AP3B1: variants seen among roughly 807,000 people sequenced by gnomAD.
AP3B1 encodes the protein adaptor related protein complex 3 subunit beta 1.
AP3B1 carries 61 observed loss-of-function variants against 132.5 expected under a neutral mutation model. The ratio of observed to expected loss-of-function variants is 0.46; its 90% confidence interval spans 0.37 to 0.57. AP3B1 has a LOEUF of 0.57. Among genes scored for constraint, AP3B1 ranks in the 20% least tolerant of loss-of-function variants. The pLI is 0.00. For synonymous variants in AP3B1, 388 were observed against 438.3 expected (o/e 0.89, Z 1.43); for missense variants, 1,120 against 1,289.4 (o/e 0.87, Z 2.01).
At chr5:78,212,847 A>G (rs1167578152) in intron 7 of AP3B1, among the ~76,000 whole-genome samples, 1 of 151,638 alleles carries the variant, frequency 6.6e-6, no homozygotes, top group Non-Finnish European at 1.5e-5. Context: ...CTATGGTCAA[A>G]CTCTGCTTTG....
At chr5:78,133,930 G>T (rs1752788979) in intron 15 of AP3B1, among the ~76,000 whole-genome samples, 1 of 151,862 alleles carries the variant, frequency 6.6e-6, no homozygotes, top group South Asian at 2.1e-4. Flanking sequence ...TGAATTTGAA[G>T]AACTGTTACA....
At chr5:78,153,497 T>C (rs1742983097) in intron 14 of AP3B1, among the ~76,000 whole-genome samples, 1 of 152,120 alleles carries the variant, frequency 6.6e-6, no homozygotes, top group Non-Finnish European at 1.5e-5. Flanking sequence ...CTTGATTTTT[T>C]ATACATGCAG....
chr5:78,072,251 A>C (rs2112164692), intron 22 of AP3B1, among the ~76,000 whole-genome samples: 1 of 152,318 alleles, frequency 6.6e-6, no homozygotes, highest in African/African-American at 2.4e-5. Context: ...TTCATCAGTA[A>C]ATACTTTGGT....
intron 15 of AP3B1, among the ~76,000 whole-genome samples, chr5:78,139,739 A>C (rs1580397764): frequency 6.6e-6 from 1 of 152,296 alleles, no homozygotes; most frequent in East Asian, 1.9e-4. Context: ...GGGAAGCAGG[A>C]AAGGCAGACA....
At position 78,127,895 on chromosome 5, in the gene AP3B1, T is replaced by C. The variant is rs189795874; in HGVS notation, c.1968+135A>G. 173 of 971,764 alleles carry C rather than the reference T, an allele frequency of 1.8e-4. No homozygotes were observed. The African/African-American group carries it at 2.5e-3, about 14-fold the overall frequency. 60.2% of individuals were successfully genotyped at this position (971,764 alleles called of 1,614,324 possible). A position where few individuals can be genotyped will look rare whatever the true frequency, so the allele number is the denominator to read the frequency against. Reference sequence around the variant, plus strand: ...TTAGTTGCTATAAAGGCAAGGTATATCTAACACATTACATTTAGAAATACT... The same window carrying C: ...TTAGTTGCTATAAAGGCAAGGTATACCTAACACATTACATTTAGAAATACT... On this transcript the variant is annotated intron_variant, in intron 17 of 26. Coordinates refer to ENST00000255194, the MANE Select transcript of AP3B1 (RefSeq NM_003664.5).
intron 22 of AP3B1, chr5:78,089,077 C>A: frequency 5.2e-6 from 1 of 192,914 alleles, no homozygotes; most frequent in South Asian, 1.0e-4. Flanking sequence ...TTAATGTAGA[C>A]AACTTTTTGT....
intron 20 of AP3B1, among the ~76,000 whole-genome samples, chr5:78,109,726 C>A (rs1442109958): frequency 6.6e-6 from 1 of 151,524 alleles, no homozygotes; most frequent in East Asian, 1.9e-4. Context: ...ATGTTATTAC[C>A]AAAAAGCATT....
At chr5:78,217,045 A>C (rs1237203615) in intron 6 of AP3B1, among the ~76,000 whole-genome samples, 17 of 152,160 alleles carry the variant, frequency 1.1e-4, no homozygotes, top group Admixed American at 1.0e-3. Context: ...ATATATGTGC[A>C]GTTAGCCCAC....
intron 2 of AP3B1, among the ~76,000 whole-genome samples, chr5:78,260,298 G>A (rs925600826): frequency 3.2e-4 from 48 of 152,126 alleles, no homozygotes; most frequent in Admixed American, 2.9e-3. Flanking sequence ...TCTAAAGAAT[G>A]AGGAGGGGCC....
At chr5:78,006,574 A>C (rs1746406127) in intron 26 of AP3B1, among the ~76,000 whole-genome samples, 1 of 152,198 alleles carries the variant, frequency 6.6e-6, no homozygotes, top group Admixed American at 6.5e-5. Context: ...AGCAATGAAA[A>C]ATACAAAGCC....
rs566819365 is a variant in AP3B1, at chr5:78,203,209, T to C, written c.786+12846A>G. Among the ~76,000 whole-genome samples the C allele has an allele frequency of 4.6e-4, 70 of 152,334 alleles. 1 individual carries two copies. Among genetic ancestry groups the C allele is most frequent in the Non-Finnish European group, 8.2e-4 (56 of 68,030 alleles). On this transcript the variant is annotated intron_variant, in intron 7 of 26. Coordinates refer to ENST00000255194, the MANE Select transcript of AP3B1 (RefSeq NM_003664.5). The stretch of plus-strand genomic sequence containing the variant: ...GATCTTTATGTGCTGTATTAGTCCA[T>C]TCTCACACTACTATTAAGAAATACC...
At chr5:78,109,196 T>C (rs1751471325) in intron 20 of AP3B1, among the ~76,000 whole-genome samples, 2 of 152,110 alleles carry the variant, frequency 1.3e-5, no homozygotes, top group South Asian at 4.1e-4. Flanking sequence ...GACACAAGTT[T>C]TAAATATAAA....
intron 14 of AP3B1, among the ~76,000 whole-genome samples, chr5:78,144,469 CA>C (rs1360523743): frequency 1.3e-5 from 2 of 152,164 alleles, no homozygotes; most frequent in East Asian, 3.8e-4. Flanking sequence ...TGCAACAGTC[CA>C]AAGTAAACCC....
intron 22 of AP3B1, among the ~76,000 whole-genome samples, chr5:78,059,666 C>T (rs768588620): frequency 6.6e-6 from 1 of 152,106 alleles, no homozygotes; most frequent in South Asian, 2.1e-4. Flanking sequence ...TAAAAAAACT[C>T]CCCTCCCCTA....
intron 22 of AP3B1, among the ~76,000 whole-genome samples, chr5:78,068,255 G>A (rs1749377423): frequency 6.6e-6 from 1 of 152,110 alleles, no homozygotes; most frequent in Admixed American, 6.5e-5. Context: ...CCCCGGAGGT[G>A]GAGGTTGCAG....
intron 1 of AP3B1, 92 bp downstream of exon 1, chr5:78,294,360 C>G (rs1304388742): frequency 1.9e-6 from 3 of 1,594,094 alleles, no homozygotes; most frequent in Admixed American, 1.7e-5. Flanking sequence ...CAGGGCGACC[C>G]CGCTCCTCTC....
intron 1 of AP3B1, among the ~76,000 whole-genome samples, chr5:78,289,483 C>T (rs759178179): frequency 3.2e-4 from 48 of 152,100 alleles, no homozygotes; most frequent in Non-Finnish European, 6.2e-4. Context: ...ATGAAAAGCC[C>T]ACCCCGATTT....
chr5:78,241,336 C>A (rs1212007030), intron 2 of AP3B1, among the ~76,000 whole-genome samples: 2 of 151,852 alleles, frequency 1.3e-5, no homozygotes, highest in Admixed American at 1.3e-4. Flanking sequence ...AGGCTACAGG[C>A]GTATGTCATC....
intron 20 of AP3B1, among the ~76,000 whole-genome samples, chr5:78,105,775 C>G (rs1177866223): frequency 1.3e-5 from 2 of 152,202 alleles, no homozygotes; most frequent in Admixed American, 1.3e-4. Flanking sequence ...AGGAAATTTT[C>G]TATGGTCATT....
Sources: gnomAD v4.1 joint callset for allele counts (sites outside exome capture counted in the v4.1 genomes callset) on GRCh38, gnomAD v4.1.1 for gene constraint, MANE v1.5 for transcripts, NCBI Gene and HGNC (gene_info 2026-07-23, HGNC 2026-07-21) for gene names.